ACTN2: variants seen among roughly 807,000 people sequenced by gnomAD.
ACTN2 encodes alpha-actinin-2.
A neutral mutation model predicts 113.8 loss-of-function variants in ACTN2; 39 were observed. The observed-to-expected ratio is 0.34, with a 90% CI of 0.27 to 0.45. The LOEUF (loss-of-function observed/expected upper bound fraction) is 0.45, where lower values mean the gene tolerates loss of function less well. Ranked by LOEUF, ACTN2 falls within the 20% of genes least tolerant of loss-of-function variation. ACTN2 has a pLI of 1.00. For synonymous variants in ACTN2, 429 were observed against 444.1 expected (o/e 0.97, Z 0.43); for missense variants, 992 against 1,177.9 (o/e 0.84, Z 2.31).
rs1428566167 is a variant in ACTN2, at chr1:236,686,654, GC to G, written c.-16del. The G allele has an allele frequency of 6.5e-7, 1 of 1,547,164 alleles. No individual in the cohort carries two copies. The highest frequency in any genetic ancestry group is 8.7e-7 in the Non-Finnish European group (1 of 1,146,928). ...TCCGAGCCCCTCGCGCCCCGCCGCA[GC>G]CCCGGCCAACCGAGCGCCATGAACC... On this transcript the variant is annotated 5_prime_UTR_variant, in exon 1 of 21. Coordinates refer to ENST00000366578, the MANE Select transcript of ACTN2 (RefSeq NM_001103.4).
At chr1:236,710,257 A>C (rs1348360046) in intron 1 of ACTN2, among the ~76,000 whole-genome samples, 1 of 152,264 alleles carries the variant, frequency 6.6e-6, no homozygotes, top group African/African-American at 2.4e-5. Flanking sequence ...TAGGGAATGT[A>C]GGTTGATATG....
At chr1:236,689,300 GATATATATATATATATATATATATAT>G (rs57239117) in intron 1 of ACTN2, among the ~76,000 whole-genome samples, 1 of 122,596 alleles carries the variant, frequency 8.2e-6, no homozygotes, top group African/African-American at 2.9e-5. Flanking sequence ...TTACAGATGT[GATATATATATATATATATATATATAT>G]ATATATATAT....
At chr1:236,701,459 C>T (rs1038084127) in intron 1 of ACTN2, among the ~76,000 whole-genome samples, 10 of 152,162 alleles carry the variant, frequency 6.6e-5, no homozygotes, top group South Asian at 2.1e-4. Context: ...TGTAGAACAC[C>T]GTGAAAGTGA....
intron 1 of ACTN2, among the ~76,000 whole-genome samples, chr1:236,703,217 A>G (rs1218835524): frequency 6.6e-6 from 1 of 152,156 alleles, no homozygotes; most frequent in African/African-American, 2.4e-5. Context: ...CTCAGGATCA[A>G]TCAGATGTAA....
chr1:236,741,932 C>A (rs1288881275), intron 10 of ACTN2, among the ~76,000 whole-genome samples: 1 of 152,200 alleles, frequency 6.6e-6, no homozygotes, highest in East Asian at 1.9e-4. Context: ...ATCTCTCCCT[C>A]TGCCCTGAGG....
At position 236,755,145 on chromosome 1, in the gene ACTN2, C is replaced by G; in HGVS notation, c.2101C>G (p.Leu701Val). The G allele has an allele frequency of 6.2e-7, 1 of 1,614,242 alleles. No homozygotes were observed. The highest frequency in any genetic ancestry group is 8.5e-7 in the Non-Finnish European group (1 of 1,180,046). ...CGACAAGCTGGAGGGAGACCATCAG[C>G]TCATCCAGGAGGCCCTTGTCTTTGA... Reference protein sequence around the residue: ...NIDKLEGDHQLIQEALVFDNK... With the variant: ...NIDKLEGDHQVIQEALVFDNK... The change falls in exon 17 of 21, where the codon CTC becomes GTC. Residue 701 changes from leucine (L) to valine (V), a missense_variant. Leu to Val is a conservative substitution (Grantham distance 32, BLOSUM62 1). Transcript: ENST00000366578.
chr1:236,737,643 A>G (rs1658932663), intron 9 of ACTN2, among the ~76,000 whole-genome samples: 1 of 151,606 alleles, frequency 6.6e-6, no homozygotes, highest in South Asian at 2.1e-4. Flanking sequence ...GTGTCAAAGG[A>G]ACTGGCCCAG....
chr1:236,704,569 A>C (rs887675214), intron 1 of ACTN2, among the ~76,000 whole-genome samples: 2 of 152,172 alleles, frequency 1.3e-5, no homozygotes, highest in Non-Finnish European at 2.9e-5. Context: ...GGTTTGATCA[A>C]TTTGCTAGAG....
Position 236,686,586 on chromosome 1 carries a change from C to T in ACTN2, c.-88C>T, listed in dbSNP as rs1444976101. On this transcript the variant is annotated 5_prime_UTR_variant, in exon 1 of 21. Coordinates refer to ENST00000366578, the MANE Select transcript of ACTN2 (RefSeq NM_001103.4). ...AGGTCACCCCGCGCCCGCCGCCCGCCGCCCGCCGCCTCCGTGGGTCCGTTT... is the reference window on the plus strand; with the variant it reads ...AGGTCACCCCGCGCCCGCCGCCCGCTGCCCGCCGCCTCCGTGGGTCCGTTT... 1.4e-5 allele frequency: 19 copies of T among 1,381,902 alleles called. No homozygotes were observed. The highest frequency in any genetic ancestry group is 2.7e-4 in the Middle Eastern group (1 of 3,716). 85.6% of individuals were successfully genotyped at this position (1,381,902 alleles called of 1,614,324 possible). A position where few individuals can be genotyped will look rare whatever the true frequency, so the allele number is the denominator to read the frequency against.
chr1:236,750,982 C>T (rs1659375724), intron 14 of ACTN2, among the ~76,000 whole-genome samples: 1 of 150,176 alleles, frequency 6.7e-6, no homozygotes, highest in South Asian at 2.1e-4. Context: ...CCCAGCTACT[C>T]AGGAGACTGA....
chr1:236,764,531 A>G lies in ACTN2; in HGVS notation c.*1912A>G, dbSNP rs1659791834. On this transcript the variant is annotated 3_prime_UTR_variant, in exon 21 of 21. Transcript: ENST00000366578. ...ACTCTGAAAAATAATAAACATGTTT[A>G]TACTCTCATTTTAGGTATTATTTTT... The G allele has an allele frequency of 1.3e-5, 2 of 152,130 alleles. No homozygotes were observed. Among genetic ancestry groups the G allele is most frequent in the South Asian group, 2.1e-4 (1 of 4,818 alleles). The allele number at this position is 152,130 out of a possible 1,614,324, so 9.4% of individuals were successfully genotyped here. A position where few individuals can be genotyped will look rare whatever the true frequency, so the allele number is the denominator to read the frequency against.
At position 236,731,136 on chromosome 1, in the gene ACTN2, AG is replaced by A. The variant is rs938635668; in HGVS notation, c.616-95del. The A allele has an allele frequency of 1.2e-5, 10 of 849,766 alleles. No homozygotes were observed. In the Admixed American group the frequency reaches 1.8e-4, roughly 15 times the overall value. 52.6% of individuals were successfully genotyped at this position (849,766 alleles called of 1,614,324 possible). ...CTATTATGATTGTGTGTGGGTGGGAAGGTGTCCGGCCTAAAGTGAGGTACAT... is the reference window on the plus strand; with the variant it reads ...CTATTATGATTGTGTGTGGGTGGGAAGTGTCCGGCCTAAAGTGAGGTACAT... On this transcript the variant is annotated intron_variant, in intron 6 of 20. Coordinates refer to ENST00000366578, the MANE Select transcript of ACTN2 (RefSeq NM_001103.4).
intron 4 of ACTN2, among the ~76,000 whole-genome samples, chr1:236,722,365 G>A (rs547740238): frequency 2.2e-4 from 34 of 152,066 alleles, no homozygotes; most frequent in African/African-American, 6.7e-4. Flanking sequence ...GGCCGGGCGC[G>A]GTGGCTCACG....
intron 1 of ACTN2, among the ~76,000 whole-genome samples, chr1:236,693,015 C>T (rs1001243864): frequency 6.6e-6 from 1 of 152,092 alleles, no homozygotes; most frequent in Non-Finnish European, 1.5e-5. Context: ...TCCCTGGGAA[C>T]GGCACTAAGT....
rs1286546196 is a variant in ACTN2, at chr1:236,757,480, C to G, written c.2155-6C>G. On this transcript the variant is annotated splice_region_variant and splice_polypyrimidine_tract_variant and intron_variant, in intron 17 of 20. Transcript: ENST00000366578. ...AGAACTGATCTTTCCCCTTTTCCCT[C>G]AATAGCACATTCGTGTTGGATGGGA... is the stretch of plus-strand genomic sequence containing the variant. 2.5e-6 allele frequency: 4 copies of G among 1,614,112 alleles called. No individual in the cohort carries two copies. Among genetic ancestry groups the G allele is most frequent in the Non-Finnish European group, 3.4e-6 (4 of 1,179,998 alleles).
chr1:236,735,752 G>A (rs1572129244), intron 8 of ACTN2, 32 bp downstream of exon 8: 2 of 1,584,902 alleles, frequency 1.3e-6, no homozygotes, highest in East Asian at 2.2e-5. Context: ...GGGCTGTTGT[G>A]TTACTCTCTG....
chr1:236,757,416 T>TC, intron 17 of ACTN2, 70 bp from the exon 18 acceptor site: 1 of 1,599,224 alleles, frequency 6.3e-7, no homozygotes, highest in South Asian at 1.1e-5. Flanking sequence ...TGTACTGTTA[T>TC]GAAAGTAAAG....
intron 18 of ACTN2, among the ~76,000 whole-genome samples, chr1:236,758,954 GTACCATTAC>G (rs1659629232): frequency 2.6e-5 from 4 of 152,054 alleles, no homozygotes; most frequent in Admixed American, 6.5e-5. Flanking sequence ...TAAAAGGGAT[GTACCATTAC>G]TTTGCATGGA....
rs34546199 is a variant in ACTN2, at chr1:236,695,375, CA to C, written c.126+8593del. On this transcript the variant is annotated intron_variant, in intron 1 of 20. Transcript: ENST00000366578. ...CATGGGAGACAGAGTGAGACTGTCT[CA>C]AAAAAAAAAAAAAAAAGTTAAGAGA... 5.4e-3 allele frequency among the ~76,000 whole-genome samples: 224 copies of C among 41,208 alleles called. 1 individual carries two copies. The South Asian group carries it at 0.076, about 14-fold the overall frequency. The allele number at this position is 41,208 out of a possible 152,430, so 27.0% of individuals were successfully genotyped here.
Sources: allele counts gnomAD v4.1 joint callset (sites outside exome capture counted in the v4.1 genomes callset), GRCh38; gene constraint gnomAD v4.1.1; transcripts MANE v1.5; gene names NCBI Gene and HGNC (gene_info 2026-07-23, HGNC 2026-07-21).